ZNF644: variants seen among roughly 807,000 people sequenced by gnomAD.
The protein encoded by ZNF644 is zinc finger motif enhancer binding protein 2.
In ZNF644, 20 loss-of-function variants were observed where a neutral mutation model predicts 108.0. The observed-to-expected ratio is 0.19, with a 90% CI of 0.13 to 0.27. ZNF644 has a LOEUF of 0.27. Among genes scored for constraint, ZNF644 ranks in the 10% least tolerant of loss-of-function variants. The probability of loss-of-function intolerance (pLI) is 1.00; values close to 1 mark genes in which losing one functional copy is unlikely to be tolerated. For synonymous variants in ZNF644, 542 were observed against 539.1 expected, an observed-to-expected ratio of 1.01 and a Z score of -0.08; for missense variants, 1,338 against 1,548.9, an observed-to-expected ratio of 0.86 and a Z score of 2.29.
At chr1:90,917,549 G>A (rs1648924166) in intron 5 of ZNF644, among the ~76,000 whole-genome samples, 1 of 152,122 alleles carries the variant, frequency 6.6e-6, no homozygotes, top group South Asian at 2.1e-4. Flanking sequence ...TCAGGCTGGA[G>A]TGCAGTGGCA....
At chr1:90,952,187 T>C (rs1023487134) in intron 2 of ZNF644, among the ~76,000 whole-genome samples, 5 of 152,224 alleles carry the variant, frequency 3.3e-5, no homozygotes, top group African/African-American at 1.2e-4. Context: ...AAGGGTCACC[T>C]TGGTTTAGCT....
At chr1:90,931,940 C>A (rs1194728724) in intron 4 of ZNF644, among the ~76,000 whole-genome samples, 1 of 152,068 alleles carries the variant, frequency 6.6e-6, no homozygotes, top group African/African-American at 2.4e-5. Context: ...TCAGGAGATA[C>A]GCAAAGTCTA....
chr1:90,976,246 C>T, intron 2 of ZNF644, among the ~76,000 whole-genome samples: 1 of 152,154 alleles, frequency 6.6e-6, no homozygotes, highest in East Asian at 1.9e-4. Context: ...TTCCTGACTT[C>T]TTCCTTAAAA....
Position 90,982,010 on chromosome 1 carries a change from C to T in ZNF644, c.44+300G>A, listed in dbSNP as rs150432386. 2.0e-3 allele frequency among the ~76,000 whole-genome samples: 306 copies of T among 152,126 alleles called. 2 individuals are homozygous for T. The highest frequency in any genetic ancestry group is 7.0e-3 in the African/African-American group (292 of 41,544). On this transcript the variant is annotated intron_variant, in intron 2 of 5. Transcript: ENST00000337393. ...AGTGGTCAGAGTTCAATAAGAGTGG[C>T]TGAACCAAACATTAACTTGATTTTC...
intron 4 of ZNF644, among the ~76,000 whole-genome samples, chr1:90,929,516 A>G (rs1650470557): frequency 1.3e-5 from 2 of 152,216 alleles, no homozygotes; most frequent in African/African-American, 4.8e-5. Flanking sequence ...GTCTGAATGA[A>G]CCACTATGAA....
intron 4 of ZNF644, among the ~76,000 whole-genome samples, chr1:90,932,449 C>A (rs1342102533): frequency 1.3e-5 from 2 of 152,038 alleles, no homozygotes; most frequent in Admixed American, 1.3e-4. Flanking sequence ...TTGTGATATA[C>A]TAAGGTAAGA....
intron 2 of ZNF644, among the ~76,000 whole-genome samples, chr1:90,942,054 C>T (rs970897887): frequency 6.6e-6 from 1 of 151,866 alleles, no homozygotes. Flanking sequence ...TTTAGTAAAG[C>T]GAATTTTAAC....
intron 4 of ZNF644, among the ~76,000 whole-genome samples, chr1:90,928,102 T>G (rs1650268423): frequency 6.6e-6 from 1 of 151,920 alleles, no homozygotes; most frequent in Non-Finnish European, 1.5e-5. Flanking sequence ...TGCCTCGGCC[T>G]CCCAAAGTGC....
intron 1 of ZNF644, among the ~76,000 whole-genome samples, chr1:91,015,145 C>A (rs1398130040): frequency 6.6e-6 from 1 of 152,154 alleles, no homozygotes; most frequent in Non-Finnish European, 1.5e-5. Context: ...TAGTACCCCT[C>A]CTCAAATGAA....
chr1:90,997,845 CCAT>C (rs1351705879), intron 1 of ZNF644, among the ~76,000 whole-genome samples: 3 of 152,240 alleles, frequency 2.0e-5, no homozygotes, highest in Admixed American at 2.0e-4. Context: ...GTCACTCCCA[CCAT>C]AATACTGCGC....
At chr1:90,986,329 C>CA (rs201499040) in intron 1 of ZNF644, among the ~76,000 whole-genome samples, 20,044 of 146,260 alleles carry the variant, frequency 0.14, 1,388 homozygotes, top group South Asian at 0.16. Context: ...AAACAAAAAA[C>CA]AAAAAAAAAA....
intron 1 of ZNF644, among the ~76,000 whole-genome samples, chr1:91,008,265 G>A (rs1659630930): frequency 6.6e-6 from 1 of 152,166 alleles, no homozygotes; most frequent in South Asian, 2.1e-4. Context: ...ATCCATTCCT[G>A]AAACCATGAG....
chr1:90,998,671 C>T (rs985322458), intron 1 of ZNF644, among the ~76,000 whole-genome samples: 1 of 152,226 alleles, frequency 6.6e-6, no homozygotes, highest in African/African-American at 2.4e-5. Flanking sequence ...CGCAGCTCCT[C>T]GCCAGCAACA....
chr1:90,969,630 C>G (rs1160150649), intron 2 of ZNF644, among the ~76,000 whole-genome samples: 2 of 152,252 alleles, frequency 1.3e-5, no homozygotes, highest in African/African-American at 4.8e-5. Flanking sequence ...TGTAAATGCT[C>G]CCTATCTATT....
At chr1:90,951,591 C>T (rs2101048909) in intron 2 of ZNF644, among the ~76,000 whole-genome samples, 1 of 152,264 alleles carries the variant, frequency 6.6e-6, no homozygotes, top group East Asian at 1.9e-4. Context: ...ATAATGCCAA[C>T]CTGGACCACT....
chr1:90,961,242 A>G (rs1654311966), intron 2 of ZNF644, among the ~76,000 whole-genome samples: 1 of 152,176 alleles, frequency 6.6e-6, no homozygotes, highest in Non-Finnish European at 1.5e-5. Context: ...GAATAGGATT[A>G]AAGTGTCTTA....
chr1:90,970,687 C>A (rs1259867552), intron 2 of ZNF644, among the ~76,000 whole-genome samples: 1 of 152,008 alleles, frequency 6.6e-6, no homozygotes, highest in African/African-American at 2.4e-5. Flanking sequence ...ATATGATTAT[C>A]AAGTGTTGTA....
At chr1:90,977,457 T>C (rs1219776932) in intron 2 of ZNF644, among the ~76,000 whole-genome samples, 1 of 152,172 alleles carries the variant, frequency 6.6e-6, no homozygotes, top group Non-Finnish European at 1.5e-5. Flanking sequence ...AATAAAAATC[T>C]TCACATATAT....
chr1:91,006,203 T>C (rs1328814442), intron 1 of ZNF644, among the ~76,000 whole-genome samples: 2 of 152,128 alleles, frequency 1.3e-5, no homozygotes, highest in Non-Finnish European at 2.9e-5. Context: ...ATAGGAAATC[T>C]GAATAGACCT....
Sources: allele counts gnomAD v4.1 joint callset (sites outside exome capture counted in the v4.1 genomes callset), GRCh38; gene constraint gnomAD v4.1.1; transcripts MANE v1.5; gene names NCBI Gene and HGNC (gene_info 2026-07-23, HGNC 2026-07-21).